PCDHGA4: variants seen among roughly 807,000 people sequenced by gnomAD.
PCDHGA4 encodes protocadherin gamma subfamily A, 4.
In PCDHGA4, 38 loss-of-function variants were observed where a neutral mutation model predicts 54.6. That is an observed-to-expected ratio of 0.70 (90% confidence interval 0.54 to 0.91). PCDHGA4 has a LOEUF of 0.91. Ranked by LOEUF, PCDHGA4 falls within the 40% of genes least tolerant of loss-of-function variation. The pLI is 0.00. For synonymous variants in PCDHGA4, 511 were observed against 512.9 expected (o/e 1.00, Z 0.05); for missense variants, 1,298 against 1,220.9 (o/e 1.06, Z -0.94).
At chr5:141,478,442 C>T in intron 1 of PCDHGA4, 1 of 1,613,608 alleles carries the variant, frequency 6.2e-7, no homozygotes, top group Non-Finnish European at 8.5e-7. Flanking sequence ...GCTGAAGAAA[C>T]CTGGTGCAGC....
At position 141,372,595 on chromosome 5, in the gene PCDHGA4, A is replaced by G; in HGVS notation, c.2514+14974A>G. The G allele has an allele frequency of 6.2e-7, 1 of 1,614,012 alleles. No individual in the cohort carries two copies. Among genetic ancestry groups the G allele is most frequent in the Non-Finnish European group, 8.5e-7 (1 of 1,179,882 alleles). On this transcript the variant is annotated intron_variant, in intron 1 of 3. Coordinates refer to ENST00000571252, the MANE Select transcript of PCDHGA4 (RefSeq NM_018917.4). ...TACTTTCAGCCTGGTGTCTGCTTCA[A>G]GACTGTACCTGGAGTTCTCCCCACC... is the stretch of plus-strand genomic sequence containing the variant.
At chr5:141,413,316 T>G (rs769316460) in intron 1 of PCDHGA4, 1 of 1,613,976 alleles carries the variant, frequency 6.2e-7, no homozygotes, top group South Asian at 1.1e-5. Context: ...AGAAAGGCTC[T>G]TTCGTGGGCA....
At chr5:141,392,131 T>C (rs1434001990) in intron 1 of PCDHGA4, 2 of 152,204 alleles carry the variant, frequency 1.3e-5, no homozygotes, top group African/African-American at 4.8e-5. Flanking sequence ...TGTAAAATGA[T>C]TAAGTAGTTT....
At chr5:141,418,405 G>T in intron 1 of PCDHGA4, 1 of 1,614,020 alleles carries the variant, frequency 6.2e-7, no homozygotes, top group African/African-American at 1.3e-5. Context: ...CATTGGTGGA[G>T]AAAGACAATC....
rs549801775 is a variant in PCDHGA4 at position 141,419,346 on chromosome 5, T to C, written c.2514+61725T>C. The C allele has an allele frequency of 6.2e-7, 1 of 1,613,828 alleles. No individual in the cohort carries two copies. The highest frequency in any genetic ancestry group is 2.2e-5 in the East Asian group (1 of 44,886). ...TCCTACTCTCTCATTGCCAGCGACCTGGAGTCACGAACGCTGTCGTCCTAC... is the reference window on the plus strand; with the variant it reads ...TCCTACTCTCTCATTGCCAGCGACCCGGAGTCACGAACGCTGTCGTCCTAC... On this transcript the variant is annotated intron_variant, in intron 1 of 3. Coordinates refer to ENST00000571252, the MANE Select transcript of PCDHGA4 (RefSeq NM_018917.4).
intron 1 of PCDHGA4, chr5:141,478,809 C>G: frequency 6.9e-7 from 1 of 1,453,454 alleles, no homozygotes; most frequent in Non-Finnish European, 9.0e-7. Flanking sequence ...CTTTTGCTAT[C>G]ACAACTAACC....
chr5:141,389,694 T>C, intron 1 of PCDHGA4: 1 of 1,612,590 alleles, frequency 6.2e-7, no homozygotes, highest in South Asian at 1.1e-5. Flanking sequence ...CTGGCTGTCC[T>C]ACCACGTGCT....
intron 1 of PCDHGA4, chr5:141,423,696 T>A: frequency 4.0e-6 from 6 of 1,492,822 alleles, no homozygotes; most frequent in Non-Finnish European, 5.3e-6. Flanking sequence ...ATTGTTGGTG[T>A]CTTGGCACAA....
chr5:141,485,964 T>A lies in PCDHGA4; in HGVS notation c.2515-8843T>A. 1 of 1,614,162 alleles carries A rather than the reference T, an allele frequency of 6.2e-7. No homozygotes were observed. The highest frequency in any genetic ancestry group is 8.5e-7 in the Non-Finnish European group (1 of 1,180,000). On this transcript the variant is annotated intron_variant, in intron 1 of 3. Transcript: ENST00000571252. The surrounding 1 kb of genome is among the most constrained non-coding windows in gnomAD (Gnocchi z 5.7). ...CCAGCGGGCATGGTGCTCATCCAGC[T>A]CAATGCCTCAGACCCGGACCTGGGT...
rs2150230162 is a variant in PCDHGA4, at chr5:141,383,367, G to T, written c.2514+25746G>T. The T allele has an allele frequency of 1.9e-6, 3 of 1,614,030 alleles. No individual in the cohort carries two copies. The East Asian group carries it at 6.7e-5, about 36-fold the overall frequency. ...CTGGGGTTCGGTTTCCGTTAAGCGA[G>T]GCTGGGGATCCAGATGTGGGCACGA... On this transcript the variant is annotated intron_variant, in intron 1 of 3. Transcript: ENST00000571252.
At chr5:141,467,699 T>A (rs1368755814) in intron 1 of PCDHGA4, among the ~76,000 whole-genome samples, 1 of 152,194 alleles carries the variant, frequency 6.6e-6, no homozygotes, top group Non-Finnish European at 1.5e-5. Context: ...TCTGGCTCTG[T>A]TGCCCAGGCT....
intron 2 of PCDHGA4, among the ~76,000 whole-genome samples, chr5:141,498,411 C>T (rs747823234): frequency 2.0e-5 from 3 of 152,158 alleles, no homozygotes; most frequent in Non-Finnish European, 4.4e-5. Context: ...TTTCTCTTTG[C>T]TGGCACTGGA....
intron 2 of PCDHGA4, among the ~76,000 whole-genome samples, chr5:141,504,078 CCAAA>C (rs1272625151): frequency 6.6e-6 from 1 of 152,078 alleles, no homozygotes; most frequent in South Asian, 2.1e-4. Context: ...CCAGATGGTG[CCAAA>C]CAGTTACCTA....
chr5:141,363,442 C>G (rs1298018028), intron 1 of PCDHGA4, among the ~76,000 whole-genome samples: 1 of 152,178 alleles, frequency 6.6e-6, no homozygotes, highest in African/African-American at 2.4e-5. Flanking sequence ...AAAGGTCACT[C>G]AGTACTTCTC....
chr5:141,441,442 C>G (rs938839707), intron 1 of PCDHGA4: 1 of 160,500 alleles, frequency 6.2e-6, no homozygotes, highest in African/African-American at 2.4e-5. Context: ...CTCGTCCAGC[C>G]CAAGCATCAC....
intron 1 of PCDHGA4, among the ~76,000 whole-genome samples, chr5:141,482,800 G>A (rs10052648): frequency 7.6e-6 from 1 of 130,764 alleles, no homozygotes; most frequent in South Asian, 2.2e-4. Flanking sequence ...GGCCGGGTAC[G>A]GTGGCTCATG....
In PCDHGA4 at chr5:141,357,463, C is replaced by G; in HGVS notation, c.2356C>G (p.His786Asp). The G allele has an allele frequency of 6.2e-7, 1 of 1,614,216 alleles. No individual in the cohort carries two copies. Among genetic ancestry groups the G allele is most frequent in the East Asian group, 2.2e-5 (1 of 44,884 alleles). Reference protein sequence around the residue: ...GVRAFLQTYSHEVSLTADSRK... With the variant: ...GVRAFLQTYSDEVSLTADSRK... ...TCGGGCTTTCCTGCAGACCTATTCCCACGAGGTCTCCCTCACCGCGGACTC... is the reference window on the plus strand; with the variant it reads ...TCGGGCTTTCCTGCAGACCTATTCCGACGAGGTCTCCCTCACCGCGGACTC... The change falls in exon 1 of 4, where the codon CAC becomes GAC. Residue 786 changes from histidine (H) to aspartate (D), a missense_variant. By Grantham distance (81) the His-to-Asp change is moderately conservative. Coordinates refer to ENST00000571252, the MANE Select transcript of PCDHGA4 (RefSeq NM_018917.4).
intron 1 of PCDHGA4, chr5:141,420,067 A>C (rs2096463342): frequency 6.2e-7 from 1 of 1,614,034 alleles, no homozygotes; most frequent in Non-Finnish European, 8.5e-7. Flanking sequence ...CCAAGTCCGG[A>C]CCTGTGGGTC....
intron 1 of PCDHGA4, chr5:141,389,608 T>C (rs1458951980): frequency 1.9e-6 from 3 of 1,613,138 alleles, no homozygotes; most frequent in East Asian, 2.2e-5. Context: ...CTCTTCGATA[T>C]GGTGCCGCAC....
Sources: gnomAD v4.1 joint callset for allele counts (sites outside exome capture counted in the v4.1 genomes callset) on GRCh38, gnomAD v4.1.1 for gene constraint, Gnocchi (gnomAD v3.1) non-coding constraint, MANE v1.5 for transcripts, NCBI Gene and HGNC (gene_info 2026-07-23, HGNC 2026-07-21) for gene names.